Variants in ARHGAP25 observed in about 807,000 individuals in gnomAD.
ARHGAP25 encodes rho GTPase-activating protein 25.
Under a neutral mutation model 71.0 loss-of-function variants are expected in ARHGAP25, and 34 were observed. The ratio of observed to expected loss-of-function variants is 0.48; its 90% CI spans 0.36 to 0.64. The LOEUF is 0.64. Among genes scored for constraint, ARHGAP25 ranks in the 30% least tolerant of loss-of-function variants. ARHGAP25 has a pLI of 0.00. For missense variants in ARHGAP25, 706 were observed against 805.1 expected (o/e 0.88, Z 1.49); for synonymous variants, 282 against 296.5 (o/e 0.95, Z 0.50).
chr2:68,786,458 TCA>T (rs1678767233), intron 3 of ARHGAP25, among the ~76,000 whole-genome samples: 1 of 152,224 alleles, frequency 6.6e-6, no homozygotes, highest in Non-Finnish European at 1.5e-5. Context: ...TCCCTGGGAT[TCA>T]GTTCTATTAT....
intron 1 of ARHGAP25, among the ~76,000 whole-genome samples, chr2:68,745,926 T>G (rs72893991): frequency 0.045 from 6,800 of 152,098 alleles, 554 homozygotes; most frequent in African/African-American, 0.16. Flanking sequence ...GACCTCACAT[T>G]ATGGAAGAGC....
At chr2:68,723,093 T>C (rs567623366) in intron 2 of ARHGAP25, among the ~76,000 whole-genome samples, 2 of 152,260 alleles carry the variant, frequency 1.3e-5, no homozygotes, top group South Asian at 4.1e-4. Flanking sequence ...TAATGGTTCA[T>C]AGGAGTGTAG....
chr2:68,774,739 G>A lies in ARHGAP25; in HGVS notation c.62-482G>A, dbSNP rs1164049438. The stretch of plus-strand genomic sequence containing the variant: ...CTGTCTTGCGGCCCCTCCTCTAGCC[G>A]GCCGCTGTGGAAGAGTGCCCAGGCA... On this transcript the variant is annotated intron_variant, in intron 1 of 10. Coordinates refer to ENST00000409202, the MANE Select transcript of ARHGAP25 (RefSeq NM_001007231.3). 12 of 1,008,196 alleles carry A rather than the reference G, an allele frequency of 1.2e-5. No individual in the cohort carries two copies. The South Asian group carries it at 3.6e-4, about 30-fold the overall frequency. The allele number at this position is 1,008,196 out of a possible 1,614,324, so 62.5% of individuals were successfully genotyped here. A position where few individuals can be genotyped will look rare whatever the true frequency, so the allele number is the denominator to read the frequency against.
At chr2:68,799,722 G>A (rs1248881794) in intron 4 of ARHGAP25, among the ~76,000 whole-genome samples, 2 of 152,216 alleles carry the variant, frequency 1.3e-5, no homozygotes, top group African/African-American at 4.8e-5. Context: ...GTGTGTAAAG[G>A]TGAGTGGCGA....
intron 1 of ARHGAP25, among the ~76,000 whole-genome samples, chr2:68,763,068 A>G (rs1208089221): frequency 6.6e-6 from 1 of 152,260 alleles, no homozygotes; most frequent in East Asian, 1.9e-4. Flanking sequence ...CTGATAAATA[A>G]TAAAATTTTA....
intron 2 of ARHGAP25, among the ~76,000 whole-genome samples, chr2:68,728,378 T>G (rs906068376): frequency 6.6e-6 from 1 of 152,218 alleles, no homozygotes; most frequent in African/African-American, 2.4e-5. Flanking sequence ...CTCATACATT[T>G]CTGGTGGAAA....
chr2:68,735,827 G>A (rs1675184361), intron 1 of ARHGAP25, among the ~76,000 whole-genome samples: 1 of 152,186 alleles, frequency 6.6e-6, no homozygotes, highest in Non-Finnish European at 1.5e-5. Context: ...ATTCTTAGAT[G>A]AGTTGGAAAA....
intron 10 of ARHGAP25, among the ~76,000 whole-genome samples, chr2:68,824,121 T>A (rs1681914258): frequency 6.6e-6 from 1 of 152,230 alleles, no homozygotes; most frequent in South Asian, 2.1e-4. Context: ...CTTGTTTGTC[T>A]AAGAACCTGA....
At chr2:68,787,781 C>A in intron 3 of ARHGAP25, 59 bp from the exon 4 acceptor site, 1 of 1,404,440 alleles carries the variant, frequency 7.1e-7, no homozygotes, top group Non-Finnish European at 1.0e-6. Flanking sequence ...CCTTCTCTTC[C>A]CCTTGCTCTC....
intron 1 of ARHGAP25, among the ~76,000 whole-genome samples, chr2:68,774,375 C>T (rs1677685509): frequency 6.6e-6 from 1 of 152,118 alleles, no homozygotes; most frequent in East Asian, 1.9e-4. Flanking sequence ...GCTGGACTTA[C>T]TCGAATGACA....
chr2:68,771,985 C>T (rs1363309744), intron 1 of ARHGAP25, among the ~76,000 whole-genome samples: 3 of 152,212 alleles, frequency 2.0e-5, no homozygotes, highest in Admixed American at 6.5e-5. Context: ...ATAAGATCCT[C>T]GCACTTACTC....
rs1680965836 is a variant in ARHGAP25, at chr2:68,813,323, G to A, written c.711G>A (p.Lys237=). 9 of 1,613,726 alleles carry A rather than the reference G, an allele frequency of 5.6e-6. No individual in the cohort carries two copies. Among genetic ancestry groups the A allele is most frequent in the Non-Finnish European group, 7.6e-6 (9 of 1,179,958 alleles). Reference sequence around the variant, plus strand: ...TGCACACTGTGGCTTCCCTGTTAAAGCTCTACCTCCGAGACCTCCCAGAGC... The same window carrying A: ...TGCACACTGTGGCTTCCCTGTTAAAACTCTACCTCCGAGACCTCCCAGAGC... The part of the protein sequence containing the change: ...TDVHTVASLL[K]LYLRDLPEPV... Residue 237 remains lysine, a synonymous_variant, in exon 6 of 11, where the codon AAG becomes AAA. Transcript: ENST00000409202.
chr2:68,815,443 C>CTTTTTTTTTTTTTTTTTTTTTTTTTTTTT (rs796100406), intron 6 of ARHGAP25, among the ~76,000 whole-genome samples: 1 of 62,290 alleles, frequency 1.6e-5, no homozygotes, highest in African/African-American at 6.6e-5. Context: ...TGTGTACTCT[C>CTTTTTTTTTTTTTTTTTTTTTTTTTTTTT]TTTTTTTTTT....
At chr2:68,768,203 T>G (rs1162682081) in intron 1 of ARHGAP25, among the ~76,000 whole-genome samples, 1 of 152,238 alleles carries the variant, frequency 6.6e-6, no homozygotes, top group East Asian at 1.9e-4. Context: ...AGCATGAGCA[T>G]TAAATGACAC....
At chr2:68,756,033 G>C (rs1053224835) in intron 1 of ARHGAP25, among the ~76,000 whole-genome samples, 1 of 152,120 alleles carries the variant, frequency 6.6e-6, no homozygotes, top group South Asian at 2.1e-4. Context: ...CCGCCACCTA[G>C]ACAACAATTA....
intron 2 of ARHGAP25, among the ~76,000 whole-genome samples, chr2:68,722,534 C>T (rs1047267348): frequency 4.7e-5 from 7 of 149,094 alleles, no homozygotes; most frequent in Non-Finnish European, 8.9e-5. Flanking sequence ...GCAGAGATTG[C>T]ACCACTGCAC....
intron 1 of ARHGAP25, among the ~76,000 whole-genome samples, chr2:68,746,933 G>C (rs1003417497): frequency 2.7e-5 from 4 of 150,868 alleles, no homozygotes. Flanking sequence ...GCTTGAACCC[G>C]GGAGGCAGAG....
At chr2:68,760,830 A>G (rs1015541378) in intron 1 of ARHGAP25, among the ~76,000 whole-genome samples, 6 of 151,432 alleles carry the variant, frequency 4.0e-5, no homozygotes, top group Admixed American at 3.9e-4. Context: ...CTCATCCTAA[A>G]GTTCATATGG....
chr2:68,732,802 A>G (rs1675056893), upstream of ARHGAP25, among the ~76,000 whole-genome samples: 1 of 152,212 alleles, frequency 6.6e-6, no homozygotes, highest in Non-Finnish European at 1.5e-5. Context: ...ATGCGCTTGC[A>G]AGGTTCTTCT....
Sources: allele counts gnomAD v4.1 joint callset (sites outside exome capture counted in the v4.1 genomes callset), GRCh38; gene constraint gnomAD v4.1.1; transcripts MANE v1.5; gene names NCBI Gene and HGNC (gene_info 2026-07-23, HGNC 2026-07-21).